The following JHY variants were observed in gnomAD, a reference collection of about 807,000 sequenced individuals.
JHY encodes the protein junctional cadherin complex regulator, also known as jhy protein homolog.
JHY carries 69 observed loss-of-function variants against 78.0 expected under a neutral mutation model. The observed-to-expected ratio is 0.88, with a 90% CI of 0.73 to 1.08. The LOEUF is 1.08. Among genes scored for constraint, JHY ranks in the 50% least tolerant of loss-of-function variants. The pLI, the probability that JHY is intolerant of heterozygous loss-of-function variation, is 0.00. For missense variants in JHY, 944 were observed against 927.8 expected, an observed-to-expected ratio of 1.02 and a Z score of -0.23; for synonymous variants, 368 against 342.6, an observed-to-expected ratio of 1.07 and a Z score of -0.82.
At chr11:122,955,937 G>A (rs1432164957) in intron 6 of JHY, among the ~76,000 whole-genome samples, 1 of 152,170 alleles carries the variant, frequency 6.6e-6, no homozygotes, top group Admixed American at 6.5e-5. Flanking sequence ...ATTTGGCCCA[G>A]TAAACTGTCT....
intron 2 of JHY, among the ~76,000 whole-genome samples, chr11:122,897,611 T>C (rs1235016755): frequency 6.6e-6 from 1 of 152,244 alleles, no homozygotes; most frequent in Non-Finnish European, 1.5e-5. Context: ...TCACATAATC[T>C]GGTGGCACCA....
In JHY at chr11:122,924,887, A is replaced by G. The variant is rs1407524416; in HGVS notation, c.865-10A>G. The G allele has an allele frequency of 6.3e-7, 1 of 1,598,816 alleles. No homozygotes were observed. The highest frequency in any genetic ancestry group is 1.3e-5 in the African/African-American group (1 of 74,566). On this transcript the variant is annotated splice_polypyrimidine_tract_variant and intron_variant, in intron 3 of 8. Coordinates refer to ENST00000227349, the MANE Select transcript of JHY (RefSeq NM_024806.4). ...CCAGTTAACATGCTGTATGTGTTTT[A>G]CCTACCTAGATCTCCTACCCCGTCA...
chr11:122,957,602 C>CCAGGA (rs1864220471), intron 8 of JHY, 111 bp downstream of exon 8: 5 of 1,130,646 alleles, frequency 4.4e-6, no homozygotes, highest in Non-Finnish European at 5.9e-6. Flanking sequence ...GCCGTCTTGC[C>CCAGGA]CAGGATGGTC....
At chr11:122,893,936 C>T (rs191394264) in intron 2 of JHY, among the ~76,000 whole-genome samples, 39 of 152,250 alleles carry the variant, frequency 2.6e-4, no homozygotes, top group African/African-American at 9.1e-4. Context: ...AGTGCTTGGA[C>T]TAGAACCCAG....
chr11:122,956,053 C>T (rs1369216240), intron 6 of JHY, among the ~76,000 whole-genome samples: 1 of 151,968 alleles, frequency 6.6e-6, no homozygotes, highest in African/African-American at 2.4e-5. Flanking sequence ...CATCTGTAAT[C>T]CCAGCGACTC....
At chr11:122,938,177 A>G (rs1414457790) in intron 5 of JHY, among the ~76,000 whole-genome samples, 1 of 152,036 alleles carries the variant, frequency 6.6e-6, no homozygotes, top group East Asian at 1.9e-4. Flanking sequence ...AGTTCTGGGA[A>G]AATTTCTTGA....
intron 3 of JHY, among the ~76,000 whole-genome samples, chr11:122,922,964 C>T (rs1371389826): frequency 1.3e-5 from 2 of 152,120 alleles, no homozygotes; most frequent in Admixed American, 6.5e-5. Context: ...CATGTAAAGT[C>T]CTAAATCTAA....
chr11:122,903,885 T>C, intron 2 of JHY, 40 bp from the exon 3 acceptor site: 1 of 1,521,970 alleles, frequency 6.6e-7, no homozygotes, highest in Non-Finnish European at 8.8e-7. Context: ...GTGAATTTAT[T>C]TCAACTAAGG....
At chr11:122,897,251 G>A (rs983666324) in intron 2 of JHY, among the ~76,000 whole-genome samples, 2 of 152,004 alleles carry the variant, frequency 1.3e-5, no homozygotes, top group African/African-American at 4.8e-5. Flanking sequence ...TTGAGATAGG[G>A]TGTCGCTGTG....
chr11:122,890,056 T>A (rs1165917817), intron 2 of JHY, among the ~76,000 whole-genome samples: 1 of 93,050 alleles, frequency 1.1e-5, no homozygotes, highest in Non-Finnish European at 2.8e-5. Flanking sequence ...CCCAGTTTCT[T>A]GTTTTTTTTT....
chr11:122,960,302 C>G lies in JHY; in HGVS notation c.*857C>G, dbSNP rs987288951. ...CGGGGTCACAGGGATGTTAAGACAG[C>G]TGGCTGCCTGGGTCTTCGCTGACCA... On this transcript the variant is annotated 3_prime_UTR_variant, in exon 9 of 9. Transcript: ENST00000227349. The G allele has an allele frequency of 1.3e-5, 2 of 157,758 alleles. No individual in the cohort carries two copies. Among genetic ancestry groups the G allele is most frequent in the African/African-American group, 4.8e-5 (2 of 41,648 alleles). The allele number at this position is 157,758 out of a possible 1,614,324, so 9.8% of individuals were successfully genotyped here.
intron 6 of JHY, among the ~76,000 whole-genome samples, chr11:122,954,007 T>C (rs1414783956): frequency 6.6e-6 from 1 of 152,206 alleles, no homozygotes; most frequent in East Asian, 1.9e-4. Flanking sequence ...TAATGCAACA[T>C]AAAAGTGCTG....
chr11:122,902,930 G>A (rs1238501577), intron 2 of JHY, among the ~76,000 whole-genome samples: 1 of 152,160 alleles, frequency 6.6e-6, no homozygotes, highest in East Asian at 1.9e-4. Context: ...AAATACAAAA[G>A]TCAGTAACAT....
intron 3 of JHY, chr11:122,905,863 T>C (rs1418978764): frequency 6.6e-6 from 1 of 151,922 alleles, no homozygotes; most frequent in African/African-American, 2.4e-5. Context: ...TGAGACTCTG[T>C]CTCAAAATAA....
At chr11:122,943,686 C>T (rs7117843) in intron 5 of JHY, among the ~76,000 whole-genome samples, 47,120 of 151,956 alleles carry the variant, frequency 0.31, 7,742 homozygotes, top group Non-Finnish European at 0.37. Flanking sequence ...TCTTTTAATC[C>T]TGATGTAATC....
rs1862933626 is a variant in JHY, at chr11:122,904,260, C to G, written c.680C>G (p.Pro227Arg). The G allele has an allele frequency of 1.2e-6, 2 of 1,614,176 alleles. No individual in the cohort carries two copies. The highest frequency in any genetic ancestry group is 4.5e-5 in the East Asian group (2 of 44,886). The change falls in exon 3 of 9, where the codon CCG becomes CGG. Residue 227 changes from proline (P) to arginine (R), a missense_variant. Coordinates refer to ENST00000227349, the MANE Select transcript of JHY (RefSeq NM_024806.4). ...GAGGAGAAGTCGAGCAGCCTTTCTC[C>G]GTACGTGAAGAGCTCAAGTTCACAT... ...DLEEKSSSLS[P>R]YVKSSSSHNE...
chr11:122,937,472 C>T (rs1283750184), intron 5 of JHY, among the ~76,000 whole-genome samples: 1 of 152,094 alleles, frequency 6.6e-6, no homozygotes, highest in Non-Finnish European at 1.5e-5. Context: ...TCACAGCTGT[C>T]CTGGCTGAGG....
intron 2 of JHY, among the ~76,000 whole-genome samples, chr11:122,897,147 A>C (rs1387895145): frequency 2.6e-5 from 4 of 152,104 alleles, no homozygotes; most frequent in South Asian, 4.2e-4. Context: ...GAGCCACCGC[A>C]CCTGGCCAAA....
Position 122,885,859 on chromosome 11 carries a change from C to A in JHY, c.10C>A (p.Arg4Ser), listed in dbSNP as rs770707669. The A allele has an allele frequency of 2.5e-6, 4 of 1,606,258 alleles. No individual in the cohort carries two copies. In the Admixed American group the frequency reaches 6.7e-5, roughly 27 times the overall value. MSK[R>S]KLIPKLSIQS... ...TTTTGCATTTTTCAAGATGAGTAAA[C>A]GTAAACTAATTCCCAAGCTCTCTAT... Residue 4 changes from arginine (R) to serine (S), a missense_variant, in exon 2 of 9, where the codon CGT becomes AGT. Arg to Ser is a moderately radical substitution (Grantham distance 110). Coordinates refer to ENST00000227349, the MANE Select transcript of JHY (RefSeq NM_024806.4).
Sources: allele counts gnomAD v4.1 joint callset (sites outside exome capture counted in the v4.1 genomes callset), GRCh38; gene constraint gnomAD v4.1.1; transcripts MANE v1.5; gene names NCBI Gene and HGNC (gene_info 2026-07-23, HGNC 2026-07-21).